NAA16: variants seen among roughly 807,000 people sequenced by gnomAD.
The protein encoded by NAA16 is N-alpha-acetyltransferase 16, NatA auxiliary subunit.
NAA16 carries 97 observed loss-of-function variants against 110.3 expected under a neutral mutation model. The observed-to-expected ratio is 0.88, with a 90% CI of 0.75 to 1.04. NAA16 has a LOEUF of 1.04. Among genes scored for constraint, NAA16 ranks in the 50% least tolerant of loss-of-function variants. NAA16 has a pLI of 0.00. For synonymous variants in NAA16, 372 were observed against 330.6 expected (o/e 1.13, Z -1.36); for missense variants, 1,017 against 1,005.1 (o/e 1.01, Z -0.16).
At chr13:41,343,457 T>G (rs2042605262) in intron 9 of NAA16, among the ~76,000 whole-genome samples, 1 of 152,190 alleles carries the variant, frequency 6.6e-6, no homozygotes, top group African/African-American at 2.4e-5. Flanking sequence ...GTGATGTATC[T>G]ATGCAGCTGT....
intron 3 of NAA16, among the ~76,000 whole-genome samples, chr13:41,320,060 C>T (rs1369231051): frequency 6.6e-6 from 1 of 151,894 alleles, no homozygotes; most frequent in Non-Finnish European, 1.5e-5. Flanking sequence ...CAGTGCTTAC[C>T]CCAGAGTGAA....
Position 41,320,685 on chromosome 13 carries a change from T to A in NAA16, c.263T>A (p.Leu88His), listed in dbSNP as rs1171610371. The A allele has an allele frequency of 1.2e-6, 2 of 1,610,872 alleles. No homozygotes were observed. The highest frequency in any genetic ancestry group is 3.4e-5 in the Admixed American group (2 of 59,626). ...TTAATAGGTTGGCATGTATATGGAC[T>A]CTTGCAGCGTTCTGATAAAAAATAT... ...KSHVCWHVYG[L>H]LQRSDKKYDE... The change falls in exon 4 of 20, where the codon CTC becomes CAC. Residue 88 changes from leucine to histidine, a missense_variant. Leu to His is a moderately conservative substitution (Grantham distance 99, BLOSUM62 -3). Transcript: ENST00000379406.
intron 1 of NAA16, among the ~76,000 whole-genome samples, chr13:41,315,433 A>G (rs995392276): frequency 6.6e-6 from 1 of 152,180 alleles, no homozygotes; most frequent in African/African-American, 2.4e-5. Context: ...GGCATTCGGA[A>G]ATAAAGATGT....
chr13:41,365,257 C>G (rs918367633), intron 13 of NAA16, among the ~76,000 whole-genome samples: 3 of 152,014 alleles, frequency 2.0e-5, no homozygotes, highest in Non-Finnish European at 4.4e-5. Flanking sequence ...TTCTGTGTTT[C>G]TTAGGGTAGT....
rs1177416090 is a variant in NAA16 at position 41,358,487 on chromosome 13, C to G, written c.1257+14C>G. 1.9e-6 allele frequency: 3 copies of G among 1,612,002 alleles called. No homozygotes were observed. The highest frequency in any genetic ancestry group is 1.7e-6 in the Non-Finnish European group (2 of 1,178,650). ...AAAATTTACAAGGTAAAATCTGAAT[C>G]CTGTTTTTTGAGTAGTTGAAGAATT... On this transcript the variant is annotated intron_variant, in intron 11 of 19. Transcript: ENST00000379406.
intron 9 of NAA16, among the ~76,000 whole-genome samples, chr13:41,340,699 G>C (rs568495662): frequency 9.2e-6 from 1 of 108,202 alleles, no homozygotes. Context: ...TTTCCGAGAC[G>C]GAGTCTCTCT....
chr13:41,334,767 A>G (rs2042333089), intron 8 of NAA16, among the ~76,000 whole-genome samples: 1 of 152,150 alleles, frequency 6.6e-6, no homozygotes, highest in Admixed American at 6.6e-5. Context: ...TTATAAGTGA[A>G]GTCTTTTTCT....
chr13:41,329,519 T>G (rs1308635036), intron 7 of NAA16, among the ~76,000 whole-genome samples: 1 of 151,638 alleles, frequency 6.6e-6, no homozygotes, highest in Non-Finnish European at 1.5e-5. Context: ...TTTTTTTTTT[T>G]TTTTTAGAAT....
intron 12 of NAA16, among the ~76,000 whole-genome samples, chr13:41,360,032 A>G (rs1217532543): frequency 6.6e-6 from 1 of 152,206 alleles, no homozygotes; most frequent in Non-Finnish European, 1.5e-5. Flanking sequence ...ACTAGGTTCA[A>G]AGTCTTCAAT....
chr13:41,362,143 G>A lies in NAA16; in HGVS notation c.1523G>A (p.Cys508Tyr). Residue 508 changes from cysteine (C) to tyrosine (Y), a missense_variant, in exon 13 of 20, where the codon TGT (cysteine) becomes TAT (tyrosine). Coordinates refer to ENST00000379406, the MANE Select transcript of NAA16 (RefSeq NM_024561.5). ...LGRYGDALKK[C>Y]HEVERHFFEI... ...AGATACGGGGATGCCTTGAAAAAAT[G>A]TCATGAAGTAGAAAGGGTAAGTTGT... The A allele has an allele frequency of 6.2e-7, 1 of 1,605,386 alleles. No individual in the cohort carries two copies. The highest frequency in any genetic ancestry group is 8.5e-7 in the Non-Finnish European group (1 of 1,177,084).
intron 9 of NAA16, among the ~76,000 whole-genome samples, chr13:41,341,592 C>T (rs1442488565): frequency 6.6e-6 from 1 of 152,058 alleles, no homozygotes; most frequent in Non-Finnish European, 1.5e-5. Flanking sequence ...TGGCATGTAC[C>T]TGCACTCCCA....
At chr13:41,350,768 G>A (rs34418212) in intron 9 of NAA16, among the ~76,000 whole-genome samples, 1 of 151,694 alleles carries the variant, frequency 6.6e-6, no homozygotes, top group Non-Finnish European at 1.5e-5. Flanking sequence ...CTCCAGGCAC[G>A]GGCCACTACA....
Position 41,372,831 on chromosome 13 carries a change from G to A in NAA16, c.2155+1G>A, listed in dbSNP as rs1436071312. 4 of 1,566,860 alleles carry A rather than the reference G, an allele frequency of 2.6e-6. No individual in the cohort carries two copies. Among genetic ancestry groups the A allele is most frequent in the Non-Finnish European group, 3.5e-6 (4 of 1,152,368 alleles). On this transcript the variant is annotated splice_donor_variant, in intron 17 of 19. Transcript: ENST00000379406. LOFTEE classifies it high-confidence loss of function. ...TGTTTAATTAGATTTTCTAAATCTG[G>A]TAAGTATAAAAAAGGACCATATTTA...
Position 41,358,925 on chromosome 13 carries a change from TAAAAG to T in NAA16, c.1376_1380del (p.Lys459SerfsTer21). On this transcript the variant is annotated frameshift_variant, in exon 12 of 20. Coordinates refer to ENST00000379406, the MANE Select transcript of NAA16 (RefSeq NM_024561.5). LOFTEE classifies it high-confidence loss of function. The stretch of plus-strand genomic sequence containing the variant: ...AAATACATGCTTCGAGCAAATATGA[TAAAAG>T]AAGCAGAGGAAATGTGCTCCAAGTT... 3 of 1,610,602 alleles carry T rather than the reference TAAAAG, an allele frequency of 1.9e-6. No homozygotes were observed. Among genetic ancestry groups the T allele is most frequent in the Non-Finnish European group, 2.5e-6 (3 of 1,177,644 alleles).
At chr13:41,337,175 T>C (rs2042402679) in intron 9 of NAA16, among the ~76,000 whole-genome samples, 1 of 152,220 alleles carries the variant, frequency 6.6e-6, no homozygotes, top group South Asian at 2.1e-4. Context: ...TTACTAGGTT[T>C]AATCAGTAGG....
At position 41,311,371 on chromosome 13, in the gene NAA16, A is replaced by C; in HGVS notation, c.-158A>C. The C allele has an allele frequency of 1.5e-6, 1 of 660,398 alleles. No individual in the cohort carries two copies. Among genetic ancestry groups the C allele is most frequent in the Non-Finnish European group, 2.6e-6 (1 of 386,000 alleles). 40.9% of individuals were successfully genotyped at this position (660,398 alleles called of 1,614,324 possible). ...CCTTCTCCATTGCCACCCGTGCCGA[A>C]CAGCCAGGCTGCCCAATTGCAACTG... On this transcript the variant is annotated 5_prime_UTR_variant, in exon 1 of 20. Coordinates refer to ENST00000379406, the MANE Select transcript of NAA16 (RefSeq NM_024561.5).
In NAA16 at chr13:41,374,822, A is replaced by G. The variant is rs370499428; in HGVS notation, c.2380A>G (p.Lys794Glu). ...AIATRLDETIKDKDVKTLIKV... is the reference protein window; with the variant it reads ...AIATRLDETIEDKDVKTLIKV... ...AGCCACTAGACTAGATGAAACTATA[A>G]AAGATAAAGATGTAAAGGTAAGTTT... is the stretch of plus-strand genomic sequence containing the variant. The change falls in exon 19 of 20, where the codon AAA (lysine) becomes GAA (glutamate). Residue 794 changes from lysine (K) to glutamate (E), a missense_variant. By Grantham distance (56) the Lys-to-Glu change is moderately conservative (BLOSUM62 1). Coordinates refer to ENST00000379406, the MANE Select transcript of NAA16 (RefSeq NM_024561.5). The G allele has an allele frequency of 1.2e-6, 2 of 1,606,772 alleles. No individual in the cohort carries two copies. The highest frequency in any genetic ancestry group is 1.3e-5 in the African/African-American group (1 of 74,686).
intron 5 of NAA16, among the ~76,000 whole-genome samples, chr13:41,323,854 T>C (rs1289456049): frequency 2.0e-5 from 3 of 152,062 alleles, no homozygotes; most frequent in Non-Finnish European, 4.4e-5. Flanking sequence ...GTGGATTGAG[T>C]CACTTCACTT....
intron 12 of NAA16, among the ~76,000 whole-genome samples, chr13:41,360,002 G>T (rs1387181276): frequency 2.0e-5 from 3 of 152,086 alleles, no homozygotes; most frequent in Admixed American, 2.0e-4. Flanking sequence ...TATAGTCCCA[G>T]CTACCACATA....
Sources: gnomAD v4.1 joint callset for allele counts (sites outside exome capture counted in the v4.1 genomes callset) on GRCh38, gnomAD v4.1.1 for gene constraint, MANE v1.5 for transcripts, NCBI Gene and HGNC (gene_info 2026-07-23, HGNC 2026-07-21) for gene names.